MZT2A: variants seen among roughly 807,000 people sequenced by gnomAD.
MZT2A encodes mitotic-spindle organizing protein 2A.
A neutral mutation model predicts 12.4 loss-of-function variants in MZT2A; 8 were observed. The observed-to-expected ratio is 0.64, with a 90% CI of 0.38 to 1.16. The LOEUF (loss-of-function observed/expected upper bound fraction) is 1.16, where lower values mean the gene tolerates loss of function less well. Ranked by LOEUF, MZT2A falls within the 50% of genes most tolerant of loss-of-function variation. The pLI is 0.01. For synonymous variants in MZT2A, 88 were observed against 107.5 expected, an observed-to-expected ratio of 0.82 and a Z score of 1.12; for missense variants, 181 against 223.6, an observed-to-expected ratio of 0.81 and a Z score of 1.22.
intron 2 of MZT2A, among the ~76,000 whole-genome samples, chr2:131,488,475 T>C (rs529619843): frequency 3.1e-4 from 47 of 152,218 alleles, no homozygotes; most frequent in East Asian, 2.3e-3. Context: ...GCCTGGCCCA[T>C]AGCCTGGAGA....
At chr2:131,483,867 G>A (rs1678940926), downstream of MZT2A, 8 of 1,279,866 alleles carry the variant, frequency 6.3e-6, no homozygotes, top group Non-Finnish European at 8.1e-6. Context: ...AAGGGACCTG[G>A]TTAGTTCACT....
chr2:131,491,697 C>T, intron 2 of MZT2A, 179 bp downstream of exon 2: 2 of 812,526 alleles, frequency 2.5e-6, no homozygotes, highest in Non-Finnish European at 3.7e-6. Flanking sequence ...GACGTGCCTC[C>T]TAAGGCTGGC....
At chr2:131,486,605 CTT>C (rs71275921) in intron 2 of MZT2A, 7 of 144,212 alleles carry the variant, frequency 4.9e-5, no homozygotes, top group Non-Finnish European at 7.6e-5. Context: ...GCAAATAATG[CTT>C]TTTTTTTTTT....
intron 2 of MZT2A, among the ~76,000 whole-genome samples, chr2:131,475,296 C>T (rs1013018740): frequency 7.8e-5 from 11 of 141,414 alleles, no homozygotes; most frequent in African/African-American, 2.8e-4. Flanking sequence ...TCTCCACTTA[C>T]GTTAATTTTG....
intron 2 of MZT2A, among the ~76,000 whole-genome samples, chr2:131,486,017 T>C (rs566148805): frequency 6.6e-6 from 1 of 151,644 alleles, no homozygotes; most frequent in South Asian, 2.1e-4. Flanking sequence ...TCTTTGCTCA[T>C]TCTTGCCTGG....
At chr2:131,492,147 C>T (rs1219390304) in intron 1 of MZT2A, 60 bp downstream of exon 1, 32 of 1,538,268 alleles carry the variant, frequency 2.1e-5, no homozygotes, top group African/African-American at 4.1e-5. Flanking sequence ...GCCGGGCGTA[C>T]CCGGAGAGCA....
At chr2:131,478,131 T>G in intron 2 of MZT2A, 1 of 1,596,594 alleles carries the variant, frequency 6.3e-7, no homozygotes, top group African/African-American at 1.3e-5. Flanking sequence ...TGCCTTGAAA[T>G]GAATGGGTTC....
At chr2:131,483,439 C>T (rs28673562), downstream of MZT2A, among the ~76,000 whole-genome samples, 16,737 of 152,154 alleles carry the variant, frequency 0.11, 3,089 homozygotes, top group African/African-American at 0.38. Flanking sequence ...GCCCTCTGTG[C>T]GTACACACAG....
At chr2:131,493,096 T>C, upstream of MZT2A, 1 of 1,494,884 alleles carries the variant, frequency 6.7e-7, no homozygotes, top group Non-Finnish European at 9.0e-7. Flanking sequence ...GGTGGCGGAA[T>C]GGCGGCTTCC....
At chr2:131,484,767 T>C (rs1389868017) in intron 2 of MZT2A, among the ~76,000 whole-genome samples, 1 of 152,296 alleles carries the variant, frequency 6.6e-6, no homozygotes, top group Non-Finnish European at 1.5e-5. Flanking sequence ...ACCCGAGTGT[T>C]CTGCAGTGGT....
intron 2 of MZT2A, chr2:131,478,080 A>C (rs1398285413): frequency 6.5e-7 from 1 of 1,531,844 alleles, no homozygotes; most frequent in South Asian, 1.3e-5. Flanking sequence ...CAGTATATAA[A>C]TATTAAATTA....
downstream of MZT2A, among the ~76,000 whole-genome samples, chr2:131,482,051 T>C (rs1007289580): frequency 2.6e-5 from 4 of 152,244 alleles, no homozygotes; most frequent in African/African-American, 9.6e-5. Flanking sequence ...CACTTCCTGC[T>C]GCTGTGGTAG....
At chr2:131,475,677 C>T (rs1379358854) in intron 2 of MZT2A, among the ~76,000 whole-genome samples, 2 of 152,118 alleles carry the variant, frequency 1.3e-5, no homozygotes, top group Non-Finnish European at 2.9e-5. Context: ...CTGCCACTTC[C>T]CAGGTGCTGG....
chr2:131,470,809 C>G (rs1483290337), intron 3 of MZT2A, among the ~76,000 whole-genome samples: 1 of 148,370 alleles, frequency 6.7e-6, no homozygotes, highest in Non-Finnish European at 1.5e-5. Flanking sequence ...CTTTGGGAGG[C>G]TGAGGTGGGA....
At chr2:131,476,327 T>C (rs1183253179) in intron 2 of MZT2A, 9 of 1,532,386 alleles carry the variant, frequency 5.9e-6, no homozygotes, top group Non-Finnish European at 8.0e-6. Context: ...CAGGGTCTAG[T>C]GCGGGACAGG....
At chr2:131,484,968 C>G (rs1349033178) in intron 2 of MZT2A, among the ~76,000 whole-genome samples, 4 of 152,210 alleles carry the variant, frequency 2.6e-5, no homozygotes, top group African/African-American at 7.2e-5. Flanking sequence ...CAACCACACT[C>G]GGGCCAGAGC....
At chr2:131,475,428 C>G (rs1484017544) in intron 2 of MZT2A, among the ~76,000 whole-genome samples, 2 of 140,980 alleles carry the variant, frequency 1.4e-5, no homozygotes, top group Non-Finnish European at 3.0e-5. Context: ...CTCCCAGTTT[C>G]AAGCGATTCT....
chr2:131,493,242 G>A, upstream of MZT2A: 1 of 1,358,394 alleles, frequency 7.4e-7, no homozygotes, highest in Non-Finnish European at 9.4e-7. Flanking sequence ...CCCAGGACTC[G>A]GGCGGCCCGG....
chr2:131,470,814 G>A (rs1704968384), intron 3 of MZT2A, among the ~76,000 whole-genome samples: 1 of 148,518 alleles, frequency 6.7e-6, no homozygotes, highest in Admixed American at 6.6e-5. Flanking sequence ...GGAGGCTGAG[G>A]TGGGAGGATC....
Sources: allele counts gnomAD v4.1 joint callset (sites outside exome capture counted in the v4.1 genomes callset), GRCh38; gene constraint gnomAD v4.1.1; transcripts MANE v1.5; gene names NCBI Gene and HGNC (gene_info 2026-07-23, HGNC 2026-07-21).